Variants in GASK1A observed in about 807,000 individuals in gnomAD.
The protein encoded by GASK1A is Golgi-associated kinase 1A.
A neutral mutation model predicts 41.2 loss-of-function variants in GASK1A; 40 were observed. The ratio of observed to expected loss-of-function variants is 0.97; its 90% CI spans 0.75 to 1.27. The LOEUF is 1.27. Ranked by LOEUF, GASK1A falls within the 50% of genes most tolerant of loss-of-function variation. The probability of loss-of-function intolerance (pLI) is 0.00; values close to 1 mark genes in which losing one functional copy is unlikely to be tolerated. For synonymous variants in GASK1A, 316 were observed against 307.1 expected (o/e 1.03, Z -0.30); for missense variants, 678 against 745.1 (o/e 0.91, Z 1.05).
intron 1 of GASK1A, among the ~76,000 whole-genome samples, chr3:43,004,824 A>G (rs1468096977): frequency 6.6e-6 from 1 of 152,234 alleles, no homozygotes; most frequent in Non-Finnish European, 1.5e-5. Flanking sequence ...AATTGCTAGG[A>G]ACTTGTTGGT....
chr3:43,056,112 G>A, intron 4 of GASK1A, 64 bp from the exon 5 acceptor site: 1 of 1,335,646 alleles, frequency 7.5e-7, no homozygotes, highest in South Asian at 1.4e-5. Flanking sequence ...ACCTGTTACT[G>A]AAATTCTCTG....
In GASK1A at chr3:42,988,386, G is replaced by A. The variant is rs532832226; in HGVS notation, c.3+8741G>A. Among the ~76,000 whole-genome samples the A allele has an allele frequency of 7.2e-5, 11 of 152,348 alleles. No individual in the cohort carries two copies. The South Asian group carries it at 2.1e-3, about 29-fold the overall frequency. On this transcript the variant is annotated intron_variant, in intron 1 of 4. Transcript: ENST00000430121. ...TGGAGGATTCAAATCCTCCCATCTTGGGGCAGCAGGTTCATGGTTCTATAA... is the reference window on the plus strand; with the variant it reads ...TGGAGGATTCAAATCCTCCCATCTTAGGGCAGCAGGTTCATGGTTCTATAA...
chr3:42,995,893 G>T (rs1389623492), intron 1 of GASK1A, among the ~76,000 whole-genome samples: 1 of 152,288 alleles, frequency 6.6e-6, no homozygotes, highest in South Asian at 2.1e-4. Flanking sequence ...CCAGATCTGA[G>T]AGCAAAATGT....
At chr3:43,037,915 G>A (rs2089613282) in intron 2 of GASK1A, among the ~76,000 whole-genome samples, 1 of 152,054 alleles carries the variant, frequency 6.6e-6, no homozygotes, top group African/African-American at 2.4e-5. Context: ...TTATGATTAT[G>A]AAAGAAATAA....
chr3:43,018,103 GC>G (rs2089503330), intron 1 of GASK1A, among the ~76,000 whole-genome samples: 1 of 152,194 alleles, frequency 6.6e-6, no homozygotes. Flanking sequence ...GAATGAGACA[GC>G]AAAAATCGCA....
At chr3:43,025,235 C>T (rs2089541264) in intron 1 of GASK1A, among the ~76,000 whole-genome samples, 1 of 152,094 alleles carries the variant, frequency 6.6e-6, no homozygotes, top group South Asian at 2.1e-4. Flanking sequence ...GGCTCAGTCA[C>T]AGAGGGTCTA....
intron 1 of GASK1A, among the ~76,000 whole-genome samples, chr3:43,029,644 A>T (rs1045976501): frequency 2.0e-5 from 3 of 152,162 alleles, no homozygotes; most frequent in African/African-American, 7.2e-5. Flanking sequence ...AAGAGACATC[A>T]GTGCACCACT....
chr3:43,041,300 A>G (rs1391611000), intron 2 of GASK1A, among the ~76,000 whole-genome samples: 1 of 152,086 alleles, frequency 6.6e-6, no homozygotes, highest in Non-Finnish European at 1.5e-5. Context: ...GAATCGTCAC[A>G]CTGACTTCCA....
In GASK1A at chr3:42,984,504, T is replaced by A. The variant is rs1013394839; in HGVS notation, c.3+4859T>A. ...CAGCTGAGTGGAAGATGGAAGGTGC[T>A]TTATAATAGCATCTGGTGAATCCTG... On this transcript the variant is annotated intron_variant, in intron 1 of 4. Transcript: ENST00000430121. This position sits in a 1 kb window ranked among gnomAD's most constrained non-coding sequence, Gnocchi z 4.2. Among the ~76,000 whole-genome samples the A allele has an allele frequency of 6.6e-6, 1 of 152,006 alleles. No individual in the cohort carries two copies. The highest frequency in any genetic ancestry group is 1.5e-5 in the Non-Finnish European group (1 of 68,000).
At chr3:42,982,830 G>T (rs377154513) in intron 1 of GASK1A, among the ~76,000 whole-genome samples, 1 of 152,364 alleles carries the variant, frequency 6.6e-6, no homozygotes, top group Admixed American at 6.5e-5. Flanking sequence ...ACTCTGTGCT[G>T]TGGGCAGGTC....
At position 43,032,326 on chromosome 3, in the gene GASK1A, C is replaced by T. The variant is rs751293759; in HGVS notation, c.63C>T (p.Leu21=). 2.3e-5 allele frequency: 36 copies of T among 1,550,512 alleles called. No individual in the cohort carries two copies. The highest frequency in any genetic ancestry group is 3.1e-5 in the Non-Finnish European group (35 of 1,146,138). The change falls in exon 2 of 5, where the codon CTC becomes CTT. Residue 21 remains leucine (L), a synonymous_variant. Transcript: ENST00000430121. ...GKRRPVIAFC[L]LMILSAMAVT... Reference sequence around the variant, plus strand: ...GGCGGCCAGTGATAGCGTTCTGCCTCTTGATGATCCTATCTGCGATGGCTG... The same window carrying T: ...GGCGGCCAGTGATAGCGTTCTGCCTTTTGATGATCCTATCTGCGATGGCTG...
rs867041788 is a variant in GASK1A at position 43,033,200 on chromosome 3, TC to T, written c.940del (p.Gln314LysfsTer6). The stretch of plus-strand genomic sequence containing the variant: ...CTCTCCCAGGCTCAGCCAACTCTGT[TC>T]CCAAGGGCTCTGTGGCCTGATCAAG... Reference protein sequence around the residue: ...LSSPRLSQLCSQGLCGLIKRP... With the variant: ...LSSPRLSQLCXQGLCGLIKRP... On this transcript the variant is annotated frameshift_variant, in exon 2 of 5. Transcript: ENST00000430121. LOFTEE classifies it high-confidence loss of function. 2.6e-6 allele frequency: 4 copies of T among 1,551,344 alleles called. No homozygotes were observed. The African/African-American group carries it at 5.5e-5, about 21-fold the overall frequency.
At chr3:43,044,560 C>A (rs1203569688) in intron 2 of GASK1A, among the ~76,000 whole-genome samples, 1 of 152,168 alleles carries the variant, frequency 6.6e-6, no homozygotes, top group African/African-American at 2.4e-5. Context: ...AACTGAGGCA[C>A]AGCAAGATTA....
At chr3:43,018,424 A>G (rs1427639535) in intron 1 of GASK1A, among the ~76,000 whole-genome samples, 1 of 152,154 alleles carries the variant, frequency 6.6e-6, no homozygotes, top group African/African-American at 2.4e-5. Context: ...TAGTCTGGAT[A>G]ATTCTTGACA....
intron 2 of GASK1A, among the ~76,000 whole-genome samples, chr3:43,045,852 C>T (rs991789765): frequency 2.6e-5 from 4 of 152,142 alleles, no homozygotes; most frequent in African/African-American, 9.7e-5. Context: ...TTTATAAGTG[C>T]CTGGTAGTTC....
At chr3:43,010,051 G>A (rs149713613) in intron 1 of GASK1A, among the ~76,000 whole-genome samples, 1 of 152,264 alleles carries the variant, frequency 6.6e-6, no homozygotes, top group African/African-American at 2.4e-5. Flanking sequence ...CCCCTACACT[G>A]TTCCTTTGGA....
chr3:43,040,882 C>CCCA (rs71288034), intron 2 of GASK1A, among the ~76,000 whole-genome samples: 4,963 of 129,706 alleles, frequency 0.038, 482 homozygotes, highest in Non-Finnish European at 0.066. Context: ...TCCCTCCCCC[C>CCCA]CGCCACAACA....
chr3:43,029,832 A>G (rs2089565539), intron 1 of GASK1A, among the ~76,000 whole-genome samples: 1 of 152,130 alleles, frequency 6.6e-6, no homozygotes, highest in African/African-American at 2.4e-5. Context: ...TCTGATGTTT[A>G]CGGTGCTGAG....
At chr3:43,040,609 G>A (rs987118875) in intron 2 of GASK1A, among the ~76,000 whole-genome samples, 8 of 152,218 alleles carry the variant, frequency 5.3e-5, no homozygotes, top group Admixed American at 6.5e-5. Flanking sequence ...ATCTGTTCAC[G>A]TTCCTCAGAA....
Sources: gnomAD v4.1 joint callset for allele counts (sites outside exome capture counted in the v4.1 genomes callset) on GRCh38, gnomAD v4.1.1 for gene constraint, Gnocchi (gnomAD v3.1) non-coding constraint, MANE v1.5 for transcripts, NCBI Gene and HGNC (gene_info 2026-07-23, HGNC 2026-07-21) for gene names.